Variants in MPRIP observed in about 807,000 individuals in gnomAD.
MPRIP encodes myosin phosphatase Rho interacting protein, also known as myosin phosphatase Rho-interacting protein.
In MPRIP, 59 loss-of-function variants were observed where a neutral mutation model predicts 234.9. That is an observed-to-expected ratio of 0.25 (90% CI 0.20 to 0.31). MPRIP has a LOEUF of 0.31. Ranked by LOEUF, MPRIP falls within the 10% of genes least tolerant of loss-of-function variation. The pLI, the probability that MPRIP is intolerant of heterozygous loss-of-function variation, is 1.00. For synonymous variants in MPRIP, 1,144 were observed against 1,263.9 expected, an observed-to-expected ratio of 0.91 and a Z score of 2.01; for missense variants, 2,436 against 3,071.0, an observed-to-expected ratio of 0.79 and a Z score of 4.89.
Position 17,185,332 on chromosome 17 carries a change from T to C in MPRIP, c.*438T>C, listed in dbSNP as rs932872709. 2 of 364,758 alleles carry C rather than the reference T, an allele frequency of 5.5e-6. No individual in the cohort carries two copies. The highest frequency in any genetic ancestry group is 1.1e-5 in the Non-Finnish European group (2 of 184,972). The allele number at this position is 364,758 out of a possible 1,614,324, so 22.6% of individuals were successfully genotyped here. A position where few individuals can be genotyped will look rare whatever the true frequency, so the allele number is the denominator to read the frequency against. On this transcript the variant is annotated 3_prime_UTR_variant, in exon 24 of 24. Transcript: ENST00000651222. ...GTCAGAGAAAAAGCTATGCGGACAC[T>C]CCAGCTTGGCCTGGGTCACAGCACT...
In MPRIP at chr17:17,166,624, CAGTG is replaced by C; in HGVS notation, c.5036_5039del (p.Val1679GlyfsTer29). The C allele has an allele frequency of 7.7e-7, 1 of 1,304,074 alleles. No homozygotes were observed. The highest frequency in any genetic ancestry group is 1.0e-6 in the Non-Finnish European group (1 of 988,882). The allele number at this position is 1,304,074 out of a possible 1,614,324, so 80.8% of individuals were successfully genotyped here. A position where few individuals can be genotyped will look rare whatever the true frequency, so the allele number is the denominator to read the frequency against. On this transcript the variant is annotated frameshift_variant, in exon 16 of 24. Coordinates refer to ENST00000651222, the MANE Select transcript of MPRIP (RefSeq NM_001364716.4). LOFTEE classifies it high-confidence loss of function. This position sits in a 1 kb window ranked among gnomAD's most constrained non-coding sequence, Gnocchi z 4.4. ...GCAGAGCTCAGCTTTGCCACACAGTCAGTGAGGGAGTCGTTCCACCGCAGGCTAC... is the reference window on the plus strand; with the variant it reads ...GCAGAGCTCAGCTTTGCCACACAGTCAGGGAGTCGTTCCACCGCAGGCTAC...
chr17:17,076,339 C>T (rs2089327216), intron 2 of MPRIP: 1 of 152,388 alleles, frequency 6.6e-6, no homozygotes, highest in South Asian at 2.1e-4. Context: ...GGTTACAAAA[C>T]TCTCCTTCCT....
chr17:17,081,831 A>C lies in MPRIP; in HGVS notation c.267+3755A>C, dbSNP rs568181575. Among the ~76,000 whole-genome samples the C allele has an allele frequency of 4.6e-5, 7 of 152,274 alleles. No individual in the cohort carries two copies. The South Asian group carries it at 1.5e-3, about 32-fold the overall frequency. On this transcript the variant is annotated intron_variant, in intron 3 of 23. Transcript: ENST00000651222. ...GGGAAATTTCTTTCTCGATACACCC[A>C]CGTACCCTGTAACTGGTGGGTGTGG...
intron 3 of MPRIP, among the ~76,000 whole-genome samples, chr17:17,082,591 G>A (rs952590928): frequency 4.6e-5 from 7 of 152,066 alleles, no homozygotes; most frequent in Admixed American, 3.3e-4. Context: ...CACCGTGCCC[G>A]GTCTGTTCGA....
At chr17:17,110,416 C>G (rs1049987801) in intron 3 of MPRIP, among the ~76,000 whole-genome samples, 3 of 152,188 alleles carry the variant, frequency 2.0e-5, no homozygotes, top group African/African-American at 4.8e-5. Flanking sequence ...ATAAGGAAAT[C>G]ATTTAGTAAA....
At position 17,043,085 on chromosome 17, in the gene MPRIP, C is replaced by T; in HGVS notation, c.123+114C>T. 3 of 1,034,566 alleles carry T rather than the reference C, an allele frequency of 2.9e-6. No individual in the cohort carries two copies. In the South Asian group the frequency reaches 4.2e-5, roughly 14 times the overall value. The allele number at this position is 1,034,566 out of a possible 1,614,324, so 64.1% of individuals were successfully genotyped here. A position where few individuals can be genotyped will look rare whatever the true frequency, so the allele number is the denominator to read the frequency against. On this transcript the variant is annotated intron_variant, in intron 1 of 23. Transcript: ENST00000651222. The stretch of plus-strand genomic sequence containing the variant: ...AAATGGAGCAGGGAAATGCGCGAGT[C>T]CTGGGGCATGGGGACGGGGACGGGA...
At chr17:17,061,335 C>A (rs893428066) in intron 1 of MPRIP, among the ~76,000 whole-genome samples, 8 of 152,224 alleles carry the variant, frequency 5.3e-5, no homozygotes, top group African/African-American at 1.9e-4. Flanking sequence ...CGGCTGCTAC[C>A]CAGGTATCCT....
chr17:17,055,794 A>G (rs966375776), intron 1 of MPRIP, among the ~76,000 whole-genome samples: 1 of 152,250 alleles, frequency 6.6e-6, no homozygotes, highest in South Asian at 2.1e-4. Flanking sequence ...AGGTTTTCCT[A>G]TACGGAAATT....
rs150737996 is a variant in MPRIP, at chr17:17,130,387, C to T, written c.420-1230C>T. ...CCCTCTCTTCCTGTCCTCCTCCCCT[C>T]CCTCCCTCCTCCCCATGCTCTTCCT... On this transcript the variant is annotated intron_variant, in intron 4 of 23. Transcript: ENST00000651222. 5.0e-3 allele frequency among the ~76,000 whole-genome samples: 764 copies of T among 151,482 alleles called. 3 individuals are homozygous for T. Among genetic ancestry groups the T allele is most frequent in the African/African-American group, 0.018 (727 of 41,288 alleles).
rs1315867359 is a variant in MPRIP at position 17,143,566 on chromosome 17, A to G, written c.1400A>G (p.Asn467Ser). ...RAFPRKRDFT[N>S]EAPPAPLPDA... ...TGCTCTCTGCCACAGGACTTCACCA[A>G]TGAAGCCCCCCCAGCTCCTCTCCCA... The change falls in exon 9 of 24, where the codon AAT becomes AGT. Residue 467 changes from asparagine (N) to serine (S), a missense_variant. Around this residue, in one of 4 missense-constraint regions of MPRIP, gnomAD observed 267 missense variants for 252.7 expected, o/e 1.06. Coordinates refer to ENST00000651222, the MANE Select transcript of MPRIP (RefSeq NM_001364716.4). The G allele has an allele frequency of 3.1e-6, 5 of 1,595,004 alleles. No individual in the cohort carries two copies. Among genetic ancestry groups the G allele is most frequent in the South Asian group, 1.1e-5 (1 of 87,356 alleles).
At chr17:17,092,397 G>A (rs2089739982) in intron 3 of MPRIP, among the ~76,000 whole-genome samples, 1 of 152,176 alleles carries the variant, frequency 6.6e-6, no homozygotes, top group African/African-American at 2.4e-5. Flanking sequence ...TAGGCACTGT[G>A]ATGTGCAGAA....
intron 1 of MPRIP, among the ~76,000 whole-genome samples, chr17:17,044,849 G>A (rs1008951840): frequency 6.6e-6 from 1 of 152,166 alleles, no homozygotes; most frequent in East Asian, 1.9e-4. Context: ...AAACAGGCCT[G>A]AGACCTTCAG....
At chr17:17,046,779 T>C (rs1176810796) in intron 1 of MPRIP, among the ~76,000 whole-genome samples, 1 of 152,234 alleles carries the variant, frequency 6.6e-6, no homozygotes, top group Non-Finnish European at 1.5e-5. Flanking sequence ...CTGTGGGCTA[T>C]ATGGTCTCTG....
intron 21 of MPRIP, 26 bp downstream of exon 21, chr17:17,176,538 C>G: frequency 6.3e-7 from 1 of 1,584,628 alleles, no homozygotes; most frequent in Non-Finnish European, 8.7e-7. Flanking sequence ...CACAGGAGGG[C>G]GGGTACGGGA....
chr17:17,177,866 T>C (rs546647611), intron 22 of MPRIP, among the ~76,000 whole-genome samples: 27 of 151,558 alleles, frequency 1.8e-4, no homozygotes, highest in African/African-American at 5.8e-4. Context: ...CTGTAAAAAA[T>C]AGATGGCAGG....
intron 2 of MPRIP, 154 bp downstream of exon 2, chr17:17,075,941 T>C (rs2089318396): frequency 2.9e-6 from 2 of 679,122 alleles, no homozygotes; most frequent in Non-Finnish European, 5.1e-6. Context: ...ACTTGTACGT[T>C]GTACAGAAAA....
chr17:17,142,577 C>T (rs1261811536), intron 7 of MPRIP, 50 bp from the exon 8 acceptor site: 9 of 1,599,110 alleles, frequency 5.6e-6, no homozygotes, highest in Non-Finnish European at 7.7e-6. Flanking sequence ...TCACTGCCAC[C>T]TCACAGCTCA....
chr17:17,086,645 G>A (rs916064188), intron 3 of MPRIP, among the ~76,000 whole-genome samples: 42 of 152,314 alleles, frequency 2.8e-4, no homozygotes, highest in Non-Finnish European at 1.5e-5. Context: ...GCCAGGTCTG[G>A]GTGCAGGTGA....
chr17:17,143,716 T>A (rs1289744859), intron 9 of MPRIP, 47 bp downstream of exon 9: 1 of 1,322,654 alleles, frequency 7.6e-7, no homozygotes, highest in Non-Finnish European at 1.1e-6. Context: ...CCTCTGCTTC[T>A]GGTCACTCTG....
Sources: allele counts gnomAD v4.1 joint callset (sites outside exome capture counted in the v4.1 genomes callset), GRCh38; gene constraint gnomAD v4.1.1; regional missense constraint gnomAD v4.1.1; non-coding constraint Gnocchi (gnomAD v3.1); transcripts MANE v1.5; gene names NCBI Gene and HGNC (gene_info 2026-07-23, HGNC 2026-07-21).